Variants in PIKFYVE observed in about 807,000 individuals in gnomAD.
PIKFYVE encodes the protein phosphoinositide kinase, FYVE-type zinc finger containing, also known as 1-phosphatidylinositol 3-phosphate 5-kinase.
A neutral mutation model predicts 257.9 loss-of-function variants in PIKFYVE; 122 were observed. The ratio of observed to expected loss-of-function variants is 0.47; its 90% confidence interval spans 0.41 to 0.55. The LOEUF is 0.55. Ranked by LOEUF, PIKFYVE falls within the 20% of genes least tolerant of loss-of-function variation. The pLI is 0.00. For missense variants in PIKFYVE, 2,160 were observed against 2,536.6 expected (o/e 0.85, Z 3.19); for synonymous variants, 892 against 868.9 (o/e 1.03, Z -0.47).
At position 208,317,378 on chromosome 2, in the gene PIKFYVE, A is replaced by G. The variant is rs533399750; in HGVS notation, c.2008-489A>G. On this transcript the variant is annotated intron_variant, in intron 15 of 41. Coordinates refer to ENST00000264380, the MANE Select transcript of PIKFYVE (RefSeq NM_015040.4). Reference sequence around the variant, plus strand: ...TATGCAGCCAAAAGACACATGAAAAAATGCTCATCATCACTGGCCATCAGA... The same window carrying G: ...TATGCAGCCAAAAGACACATGAAAAGATGCTCATCATCACTGGCCATCAGA... Among the ~76,000 whole-genome samples the G allele has an allele frequency of 1.9e-3, 294 of 152,342 alleles. 2 individuals are homozygous for G. The highest frequency in any genetic ancestry group is 4.3e-3 in the South Asian group (21 of 4,828).
Position 208,314,391 on chromosome 2 carries a change from G to A in PIKFYVE, c.1794G>A (p.Glu598=). The A allele has an allele frequency of 6.2e-7, 1 of 1,614,028 alleles. No individual in the cohort carries two copies. The highest frequency in any genetic ancestry group is 8.5e-7 in the Non-Finnish European group (1 of 1,179,952). The change falls in exon 14 of 42, where the codon GAG becomes GAA. Residue 598 remains glutamate (E), a synonymous_variant. Coordinates refer to ENST00000264380, the MANE Select transcript of PIKFYVE (RefSeq NM_015040.4). ...ACAACCTGGAGCTCCTGAGGGAGGAGAATGGGGAGAAACAAGCCATGGAGA... is the reference window on the plus strand; with the variant it reads ...ACAACCTGGAGCTCCTGAGGGAGGAAAATGGGGAGAAACAAGCCATGGAGA... ...HHNNLELLRE[E]NGEKQAMERL...
intron 18 of PIKFYVE, 30 bp downstream of exon 18, chr2:208,324,312 T>A (rs749061979): frequency 5.0e-5 from 80 of 1,606,664 alleles, no homozygotes; most frequent in Middle Eastern, 1.7e-4. Context: ...TATTGTATTT[T>A]AAAAAAATCA....
intron 10 of PIKFYVE, among the ~76,000 whole-genome samples, chr2:208,303,773 G>C (rs543124909): frequency 6.6e-6 from 1 of 152,328 alleles, no homozygotes; most frequent in Non-Finnish European, 1.5e-5. Context: ...GGTTAGAAGA[G>C]ACAAATGACT....
intron 9 of PIKFYVE, among the ~76,000 whole-genome samples, chr2:208,301,860 C>T (rs1027078863): frequency 6.6e-6 from 1 of 152,136 alleles, no homozygotes; most frequent in Non-Finnish European, 1.5e-5. Flanking sequence ...CACACACACA[C>T]ATTTTATGGC....
intron 12 of PIKFYVE, among the ~76,000 whole-genome samples, chr2:208,309,007 C>T (rs916320790): frequency 2.6e-5 from 4 of 152,118 alleles, no homozygotes; most frequent in Non-Finnish European, 5.9e-5. Context: ...CGCACCCGGC[C>T]CACTACTAGT....
chr2:208,326,251 G>T lies in PIKFYVE; in HGVS notation c.3440G>T (p.Ser1147Ile), dbSNP rs1198934453. ...RIAEHLGDSQ[S>I]LGRMLADYRA... ...GCTGAGCATCTGGGCGATAGCCAGA[G>T]CTTGGGTAGAATGCTGGCCGATTAT... is the stretch of plus-strand genomic sequence containing the variant. The change falls in exon 20 of 42, where the codon AGC (serine) becomes ATC (isoleucine). Residue 1147 changes from serine to isoleucine, a missense_variant. By Grantham distance (142) the Ser-to-Ile change is moderately radical. Coordinates refer to ENST00000264380, the MANE Select transcript of PIKFYVE (RefSeq NM_015040.4). 19 of 1,591,958 alleles carry T rather than the reference G, an allele frequency of 1.2e-5. No homozygotes were observed. Among genetic ancestry groups the T allele is most frequent in the Non-Finnish European group, 1.6e-5 (19 of 1,169,328 alleles).
At chr2:208,295,529 T>C (rs1692856505) in intron 7 of PIKFYVE, among the ~76,000 whole-genome samples, 1 of 152,212 alleles carries the variant, frequency 6.6e-6, no homozygotes, top group Non-Finnish European at 1.5e-5. Context: ...TAGTCTTTCT[T>C]TGTGAAGAGG....
At chr2:208,303,311 A>T (rs2125344533) in intron 10 of PIKFYVE, among the ~76,000 whole-genome samples, 1 of 152,160 alleles carries the variant, frequency 6.6e-6, no homozygotes, top group Admixed American at 6.5e-5. Context: ...ATATATATAT[A>T]GCTGACCGTT....
chr2:208,319,745 A>C (rs1038834635), intron 16 of PIKFYVE, among the ~76,000 whole-genome samples: 1 of 152,072 alleles, frequency 6.6e-6, no homozygotes, highest in Non-Finnish European at 1.5e-5. Flanking sequence ...TTCTTTTTGA[A>C]CTTCATGTTT....
intron 1 of PIKFYVE, chr2:208,269,954 G>T: frequency 4.3e-6 from 1 of 234,468 alleles, no homozygotes; most frequent in Non-Finnish European, 9.3e-6. Context: ...TCCTTGGGAG[G>T]CATGATGTCT....
rs1694059994 is a variant in PIKFYVE, at chr2:208,304,269, T to A, written c.1419T>A (p.Asp473Glu). The change falls in exon 11 of 42, where the codon GAT (aspartate) becomes GAA (glutamate). Residue 473 changes from aspartate (D) to glutamate (E), a missense_variant. Coordinates refer to ENST00000264380, the MANE Select transcript of PIKFYVE (RefSeq NM_015040.4). ...EPSWFKDIKF[D>E]DSDTEQIAEE... is the part of the protein sequence containing the mutation. ...CCTGGTTTAAAGACATAAAGTTTGA[T>A]GACAGTGACACAGAACAGATAGCTG... 2 of 1,614,078 alleles carry A rather than the reference T, an allele frequency of 1.2e-6. No individual in the cohort carries two copies. The highest frequency in any genetic ancestry group is 1.7e-6 in the Non-Finnish European group (2 of 1,180,020).
chr2:208,299,531 C>A (rs532500124), intron 8 of PIKFYVE, among the ~76,000 whole-genome samples: 4 of 151,854 alleles, frequency 2.6e-5, no homozygotes, highest in Non-Finnish European at 5.9e-5. Flanking sequence ...CTCGTGATCT[C>A]CCTGCCTTGG....
intron 3 of PIKFYVE, chr2:208,274,180 C>G: frequency 9.6e-7 from 1 of 1,037,668 alleles, no homozygotes; most frequent in African/African-American, 1.6e-5. Context: ...TCTTGGCCTT[C>G]TGTCCTTGTT....
chr2:208,335,075 G>A (rs1259405580), intron 24 of PIKFYVE, among the ~76,000 whole-genome samples: 1 of 152,102 alleles, frequency 6.6e-6, no homozygotes, highest in African/African-American at 2.4e-5. Context: ...AACTTCAAGG[G>A]ATAAATGATG....
chr2:208,324,409 AGAT>A, intron 18 of PIKFYVE, 127 bp downstream of exon 18: 1 of 950,696 alleles, frequency 1.1e-6, no homozygotes, highest in South Asian at 1.6e-5. Flanking sequence ...GTGGGACAGA[AGAT>A]ATGGCACCTA....
chr2:208,303,252 T>C (rs935344452), intron 10 of PIKFYVE, among the ~76,000 whole-genome samples: 7 of 140,624 alleles, frequency 5.0e-5, no homozygotes, highest in African/African-American at 1.0e-4. Context: ...CACACACACA[T>C]ATATAAACAT....
At chr2:208,330,161 GT>G (rs955112030) in intron 22 of PIKFYVE, among the ~76,000 whole-genome samples, 1 of 151,974 alleles carries the variant, frequency 6.6e-6, no homozygotes, top group Non-Finnish European at 1.5e-5. Flanking sequence ...TCGGATACCT[GT>G]TTTTTTACAG....
rs746221961 is a variant in PIKFYVE at position 208,326,156 on chromosome 2, C to A, written c.3345C>A (p.Gly1115=). 1.9e-6 allele frequency: 3 copies of A among 1,613,936 alleles called. No homozygotes were observed. The highest frequency in any genetic ancestry group is 2.2e-5 in the East Asian group (1 of 44,868). The change falls in exon 20 of 42, where the codon GGC becomes GGA. Residue 1115 remains glycine (G), a synonymous_variant. Coordinates refer to ENST00000264380, the MANE Select transcript of PIKFYVE (RefSeq NM_015040.4). ...QLLRDLSGLQ[G]MNGSIQAKSI... is the part of the protein sequence containing the mutation. ...TCAGGGATCTCTCTGGACTTCAGGGCATGAATGGAAGTATTCAGGCCAAGT... is the reference window on the plus strand; with the variant it reads ...TCAGGGATCTCTCTGGACTTCAGGGAATGAATGGAAGTATTCAGGCCAAGT...
chr2:208,346,030 T>G lies in PIKFYVE; in HGVS notation c.5112-20T>G. 1 of 1,591,098 alleles carries G rather than the reference T, an allele frequency of 6.3e-7. No individual in the cohort carries two copies. Among genetic ancestry groups the G allele is most frequent in the Non-Finnish European group, 8.6e-7 (1 of 1,159,584 alleles). ...ACTTGTATAAAACTAAATTTTTCTT[T>G]TTTTTTCTTTTCATTTTAGTACTTC... On this transcript the variant is annotated intron_variant, in intron 33 of 41. Transcript: ENST00000264380.
Sources: allele counts gnomAD v4.1 joint callset (sites outside exome capture counted in the v4.1 genomes callset), GRCh38; gene constraint gnomAD v4.1.1; transcripts MANE v1.5; gene names NCBI Gene and HGNC (gene_info 2026-07-23, HGNC 2026-07-21).